Variants in ADGRE3 observed in about 807,000 individuals in gnomAD.
ADGRE3 encodes the protein adhesion G protein-coupled receptor E3, also known as EGF-like module receptor 3.
ADGRE3 carries 88 observed loss-of-function variants against 80.1 expected under a neutral mutation model. The observed-to-expected ratio is 1.10, with a 90% CI of 0.93 to 1.31. The LOEUF (loss-of-function observed/expected upper bound fraction) is 1.31, where lower values mean the gene tolerates loss of function less well. Among genes scored for constraint, ADGRE3 ranks in the 40% most tolerant of loss-of-function variants. The pLI is 0.00. For missense variants in ADGRE3, 715 were observed against 776.5 expected, an observed-to-expected ratio of 0.92 and a Z score of 0.94; for synonymous variants, 281 against 294.8, an observed-to-expected ratio of 0.95 and a Z score of 0.48.
chr19:14,600,707 G>A, the ADGRE3 span, among the ~76,000 whole-genome samples: 13 of 150,408 alleles, frequency 8.6e-5, no homozygotes, highest in Non-Finnish European at 1.3e-4. Flanking sequence ...TCAGCCTCCT[G>A]AGTAGCTGGG....
intron 10 of ADGRE3, among the ~76,000 whole-genome samples, chr19:14,640,351 G>A (rs569935453): frequency 5.3e-5 from 8 of 152,040 alleles, no homozygotes; most frequent in Admixed American, 2.6e-4. Flanking sequence ...GTGCAATGGC[G>A]CAATCTTGGC....
chr19:14,630,079 C>G lies in ADGRE3; in HGVS notation c.1772G>C (p.Gly591Ala), dbSNP rs779680624. The G allele has an allele frequency of 5.1e-5, 83 of 1,611,650 alleles. No individual in the cohort carries two copies. The highest frequency in any genetic ancestry group is 3.3e-4 in the East Asian group (15 of 44,862). The change falls in exon 14 of 16, where the codon GGC becomes GCC. Residue 591 changes from glycine to alanine, a missense_variant. By Grantham distance (60) the Gly-to-Ala change is moderately conservative (BLOSUM62 0). Transcript: ENST00000253673. ...YLFTIINSLQ[G>A]FFIFLVYCLL... ...GCAGTAGACCAAGAAGATGAAGAAG[C>G]CTTGGAGGCTGTTGATGATGGTGAA...
chr19:14,612,123 T>C, the ADGRE3 span, among the ~76,000 whole-genome samples: 1 of 152,208 alleles, frequency 6.6e-6, no homozygotes, highest in East Asian at 1.9e-4. Flanking sequence ...TTGTCTACTG[T>C]GTGTTAGTTT....
chr19:14,660,369 A>G (rs568819121), intron 4 of ADGRE3, among the ~76,000 whole-genome samples: 1 of 152,276 alleles, frequency 6.6e-6, no homozygotes, highest in South Asian at 2.1e-4. Flanking sequence ...GCTTATGCCT[A>G]TAATCCCAGC....
At chr19:14,625,653 AG>A (rs1283195378) in intron 14 of ADGRE3, 54 bp from the exon 15 acceptor site, 4 of 1,105,546 alleles carry the variant, frequency 3.6e-6, no homozygotes, top group Non-Finnish European at 5.6e-6. Flanking sequence ...GGTGAACAGC[AG>A]AAAGGTCGGT....
intron 8 of ADGRE3, among the ~76,000 whole-genome samples, 180 bp from the exon 9 acceptor site, chr19:14,644,455 G>A (rs751851908): frequency 1.3e-5 from 2 of 151,844 alleles, no homozygotes; most frequent in African/African-American, 2.4e-5. Context: ...CAAGTAGCTG[G>A]GATTACAGAC....
rs1385428071 is a variant in ADGRE3 at position 14,658,549 on chromosome 19, G to A, written c.357C>T (p.Asp119=). Residue 119 remains aspartate, a splice_region_variant and synonymous_variant, in exon 5 of 16, where the codon GAC becomes GAT. Coordinates refer to ENST00000253673, the MANE Select transcript of ADGRE3 (RefSeq NM_032571.5). ...CCTCGGTTGTCTTTGAGGAGGTGGT[G>A]TCTGCAAAAGACATCATGATGGAGT... ...FSNSNENTCQ[D]TTSSKTTEGR... is the part of the protein sequence containing the mutation. The A allele has an allele frequency of 1.9e-6, 3 of 1,559,336 alleles. No individual in the cohort carries two copies. Among genetic ancestry groups the A allele is most frequent in the East Asian group, 2.5e-5 (1 of 40,138 alleles).
chr19:14,663,446 T>C lies in ADGRE3; in HGVS notation c.171A>G (p.Leu57=). ...TACATGTCTCCAAGGGGAATGTGAA[T>C]AGTTTCTGCCCAGATCCAGAAGTAT... ...HGYTSGSGQK[L]FTFPLETCND... is the part of the protein sequence containing the mutation. Residue 57 remains leucine, a synonymous_variant, in exon 3 of 16, where the codon CTA becomes CTG. Transcript: ENST00000253673. 3 of 1,610,282 alleles carry C rather than the reference T, an allele frequency of 1.9e-6. No individual in the cohort carries two copies. Among genetic ancestry groups the C allele is most frequent in the Non-Finnish European group, 2.5e-6 (3 of 1,177,470 alleles).
Position 14,619,337 on chromosome 19 carries a change from T to C in ADGRE3, c.*96A>G, listed in dbSNP as rs1176728744. 1 of 924,708 alleles carries C rather than the reference T, an allele frequency of 1.1e-6. No homozygotes were observed. Among genetic ancestry groups the C allele is most frequent in the Non-Finnish European group, 1.8e-6 (1 of 566,324 alleles). The allele number at this position is 924,708 out of a possible 1,614,324, so 57.3% of individuals were successfully genotyped here. ...TTGATTACTTCCTCTCCAAGGATGA[T>C]ATGTTTAATGAATTCCCTTTTCCTT... On this transcript the variant is annotated 3_prime_UTR_variant, in exon 16 of 16. Transcript: ENST00000253673.
intron 2 of ADGRE3, among the ~76,000 whole-genome samples, chr19:14,667,829 A>G (rs1186021468): frequency 6.6e-6 from 1 of 152,076 alleles, no homozygotes; most frequent in Non-Finnish European, 1.5e-5. Flanking sequence ...AAAGTATAAT[A>G]AAAAAAATAA....
chr19:14,650,292 C>T (rs1568490536), intron 7 of ADGRE3, among the ~76,000 whole-genome samples: 1 of 150,420 alleles, frequency 6.6e-6, no homozygotes, highest in African/African-American at 2.4e-5. Context: ...GTCTTTCCAC[C>T]ACTCTCCCCA....
At chr19:14,632,039 C>T (rs1432675852) in intron 13 of ADGRE3, among the ~76,000 whole-genome samples, 1 of 152,168 alleles carries the variant, frequency 6.6e-6, no homozygotes, top group Non-Finnish European at 1.5e-5. Flanking sequence ...ACTCATACCT[C>T]AAGATATTTT....
At chr19:14,631,934 A>G (rs1309461394) in intron 13 of ADGRE3, among the ~76,000 whole-genome samples, 2 of 127,938 alleles carry the variant, frequency 1.6e-5, no homozygotes, top group Non-Finnish European at 3.6e-5. Context: ...TCAAAAGACT[A>G]TAAAAAAATG....
chr19:14,646,628 G>C (rs1599630339), intron 8 of ADGRE3, among the ~76,000 whole-genome samples: 1 of 139,018 alleles, frequency 7.2e-6, no homozygotes, highest in Admixed American at 7.2e-5. Context: ...CATTGGTTTG[G>C]GGAAATTCTC....
At chr19:14,635,850 T>G (rs1173332962) in intron 11 of ADGRE3, among the ~76,000 whole-genome samples, 2 of 152,192 alleles carry the variant, frequency 1.3e-5, no homozygotes, top group Non-Finnish European at 2.9e-5. Context: ...TGAATGTGTA[T>G]GACTCTGTTG....
At chr19:14,612,814 C>T in the ADGRE3 span, among the ~76,000 whole-genome samples, 1 of 152,154 alleles carries the variant, frequency 6.6e-6, no homozygotes, top group East Asian at 1.9e-4. Flanking sequence ...CCAAAAAATA[C>T]CAATTAGAGG....
At chr19:14,610,948 C>T in the ADGRE3 span, 401 of 152,152 alleles carry the variant, frequency 2.6e-3, 3 homozygotes, top group African/African-American at 9.1e-3. Context: ...AGGCATGTGT[C>T]ACCGTACCTG....
the ADGRE3 span, among the ~76,000 whole-genome samples, chr19:14,602,990 C>T: frequency 6.6e-6 from 1 of 152,182 alleles, no homozygotes; most frequent in African/African-American, 2.4e-5. Flanking sequence ...CTGCCTTGGC[C>T]TCCCAAAGTA....
chr19:14,639,778 C>T (rs1406905131), intron 10 of ADGRE3, among the ~76,000 whole-genome samples: 2 of 152,094 alleles, frequency 1.3e-5, no homozygotes, highest in Admixed American at 6.6e-5. Flanking sequence ...GCTCTCTGCC[C>T]TCCCCCTATT....
Sources: allele counts gnomAD v4.1 joint callset (sites outside exome capture counted in the v4.1 genomes callset), GRCh38; gene constraint gnomAD v4.1.1; transcripts MANE v1.5; gene names NCBI Gene and HGNC (gene_info 2026-07-23, HGNC 2026-07-21).